The following CACNA1C variants were observed in gnomAD, a reference collection of about 807,000 sequenced individuals.
The protein encoded by CACNA1C is calcium voltage-gated channel subunit alpha1 C, also known as voltage-dependent L-type calcium channel subunit alpha-1C.
CACNA1C carries 30 observed loss-of-function variants against 229.0 expected under a neutral mutation model. That is an observed-to-expected ratio of 0.13 (90% CI 0.10 to 0.18). The LOEUF (loss-of-function observed/expected upper bound fraction) is 0.18. Ranked by LOEUF, CACNA1C falls within the 10% of genes least tolerant of loss-of-function variation. The pLI, the probability that CACNA1C is intolerant of heterozygous loss-of-function variation, is 1.00. For missense variants in CACNA1C, 1,658 were observed against 2,845.0 expected (o/e 0.58, Z 9.49); for synonymous variants, 1,114 against 1,132.5 (o/e 0.98, Z 0.33).
chr12:2,101,017 A>AG (rs2076216911), intron 1 of CACNA1C, among the ~76,000 whole-genome samples: 1 of 151,516 alleles, frequency 6.6e-6, no homozygotes, highest in Non-Finnish European at 1.5e-5. Context: ...AAAAAAAAAA[A>AG]GAAAAAAGAA....
chr12:2,292,172 C>T (rs115310947), intron 3 of CACNA1C, among the ~76,000 whole-genome samples: 287 of 152,324 alleles, frequency 1.9e-3, no homozygotes, highest in African/African-American at 6.7e-3. Context: ...AGAACATGAC[C>T]TTGGTCCTTA....
chr12:2,631,559 G>C (rs576854094), intron 29 of CACNA1C, among the ~76,000 whole-genome samples: 19 of 152,322 alleles, frequency 1.2e-4, no homozygotes, highest in African/African-American at 3.8e-4. Context: ...CTTTTGCCCT[G>C]TGAATGATAT....
intron 3 of CACNA1C, among the ~76,000 whole-genome samples, chr12:2,151,949 C>T (rs140918432): frequency 6.6e-5 from 10 of 152,298 alleles, no homozygotes; most frequent in African/African-American, 2.2e-4. Context: ...CTGAACCAAG[C>T]GAGGGTGTGG....
Position 2,633,681 on chromosome 12 carries a change from G to A in CACNA1C, c.3829-616G>A. The A allele has an allele frequency of 6.2e-7, 1 of 1,610,616 alleles. No individual in the cohort carries two copies. The highest frequency in any genetic ancestry group is 8.5e-7 in the Non-Finnish European group (1 of 1,176,894). On this transcript the variant is annotated intron_variant, in intron 29 of 46. Transcript: ENST00000399655. The surrounding 1 kb of genome is among the most constrained non-coding windows in gnomAD (Gnocchi z 5.8). ...TTTGACTTCCTCATCGTAATTGGCA[G>A]CATAATTGACGTCATTCTCAGTGAG...
chr12:2,551,551 C>A (rs1206588015), intron 10 of CACNA1C, among the ~76,000 whole-genome samples: 1 of 152,194 alleles, frequency 6.6e-6, no homozygotes, highest in East Asian at 1.9e-4. Context: ...CACCCCGCCC[C>A]AGACAATGAT....
chr12:2,682,946 G>A (rs1307723525), intron 43 of CACNA1C, among the ~76,000 whole-genome samples: 1 of 1,678 alleles, frequency 6.0e-4, no homozygotes, highest in African/African-American at 2.2e-3. Flanking sequence ...GGGTTTCCTC[G>A]CCAGGAAAAT....
rs2069176695 is a variant in CACNA1C at position 2,597,799 on chromosome 12, C to T, written c.2853+510C>T. On this transcript the variant is annotated intron_variant, in intron 21 of 46. Transcript: ENST00000399655. The surrounding 1 kb of genome is among the most constrained non-coding windows in gnomAD (Gnocchi z 4.3). ...CCATTTCACTGGTTGGGGCTGCAGC[C>T]GTCAGCAGCGCCAGACATACATGCC... 6.6e-6 allele frequency among the ~76,000 whole-genome samples: 1 copy of T among 152,188 alleles called. No homozygotes were observed. Among genetic ancestry groups the T allele is most frequent in the South Asian group, 2.1e-4 (1 of 4,824 alleles).
At chr12:2,362,827 C>T (rs1236737522) in intron 3 of CACNA1C, among the ~76,000 whole-genome samples, 2 of 152,184 alleles carry the variant, frequency 1.3e-5, no homozygotes, top group African/African-American at 4.8e-5. Flanking sequence ...ATGGCCCAGC[C>T]CAGATTCTAG....
chr12:2,613,043 C>T (rs543425464), intron 29 of CACNA1C: 1 of 152,320 alleles, frequency 6.6e-6, no homozygotes, highest in East Asian at 1.9e-4. Context: ...GAGCAAGAAT[C>T]CCTGGCCATA....
intron 3 of CACNA1C, among the ~76,000 whole-genome samples, chr12:2,417,582 A>G (rs1043857033): frequency 6.6e-6 from 1 of 152,202 alleles, no homozygotes; most frequent in African/African-American, 2.4e-5. Context: ...GTTTGGTGGC[A>G]TGTGACTGGC....
At chr12:2,249,101 C>A (rs1566662919) in intron 3 of CACNA1C, among the ~76,000 whole-genome samples, 1 of 152,170 alleles carries the variant, frequency 6.6e-6, no homozygotes, top group Non-Finnish European at 1.5e-5. Context: ...GGTAAGGACT[C>A]TGGGGCCAGA....
intron 3 of CACNA1C, among the ~76,000 whole-genome samples, chr12:2,337,378 C>CT (rs1169839480): frequency 3.9e-5 from 6 of 152,230 alleles, no homozygotes. Context: ...CACCCCAAGA[C>CT]TGTAGGCCTT....
intron 3 of CACNA1C, among the ~76,000 whole-genome samples, chr12:2,262,905 A>G (rs1231956585): frequency 6.6e-6 from 1 of 152,228 alleles, no homozygotes; most frequent in East Asian, 1.9e-4. Context: ...TAGTTACCTC[A>G]GTGAATAAAA....
At chr12:2,158,832 G>C (rs1436811647) in intron 3 of CACNA1C, among the ~76,000 whole-genome samples, 1 of 152,200 alleles carries the variant, frequency 6.6e-6, no homozygotes, top group East Asian at 1.9e-4. Flanking sequence ...AGTAAACCAA[G>C]GGAAACATAG....
At chr12:2,616,942 C>T (rs963584063) in intron 29 of CACNA1C, among the ~76,000 whole-genome samples, 3 of 152,246 alleles carry the variant, frequency 2.0e-5, no homozygotes, top group Admixed American at 6.5e-5. Flanking sequence ...GGCTGTGGCT[C>T]CTGTCTGCCA....
chr12:2,657,544 T>C (rs1178705429), intron 34 of CACNA1C, among the ~76,000 whole-genome samples: 1 of 151,978 alleles, frequency 6.6e-6, no homozygotes, highest in African/African-American at 2.4e-5. Context: ...AACTTAGCAA[T>C]CCATCAAAAG....
At chr12:1,982,317 T>C (rs1035970762) in intron 1 of CACNA1C, among the ~76,000 whole-genome samples, 2 of 152,102 alleles carry the variant, frequency 1.3e-5, no homozygotes, top group Non-Finnish European at 1.5e-5. Context: ...GCTATCCATC[T>C]CCAGAACTTT....
chr12:2,187,647 AGG>A (rs938814565), intron 3 of CACNA1C, among the ~76,000 whole-genome samples: 1 of 152,264 alleles, frequency 6.6e-6, no homozygotes, highest in Admixed American at 6.5e-5. Flanking sequence ...GACAGGCCAG[AGG>A]GCTGAAGATG....
At chr12:2,435,380 G>A (rs2099124473) in intron 3 of CACNA1C, among the ~76,000 whole-genome samples, 1 of 152,228 alleles carries the variant, frequency 6.6e-6, no homozygotes, top group Admixed American at 6.5e-5. Context: ...CCACTTGCCT[G>A]GACTGTGCAC....
Sources: gnomAD v4.1 joint callset for allele counts (sites outside exome capture counted in the v4.1 genomes callset) on GRCh38, gnomAD v4.1.1 for gene constraint, Gnocchi (gnomAD v3.1) non-coding constraint, MANE v1.5 for transcripts, NCBI Gene and HGNC (gene_info 2026-07-23, HGNC 2026-07-21) for gene names.